The following USP44 variants were observed in gnomAD, a reference collection of about 807,000 sequenced individuals.
USP44 encodes the protein ubiquitin carboxyl-terminal hydrolase 44.
A neutral mutation model predicts 69.0 loss-of-function variants in USP44; 61 were observed. The observed-to-expected ratio is 0.88, with a 90% CI of 0.72 to 1.09. The LOEUF is 1.09. Ranked by LOEUF, USP44 falls within the 50% of genes least tolerant of loss-of-function variation. USP44 has a pLI of 0.00. For synonymous variants in USP44, 297 were observed against 295.4 expected (o/e 1.01, Z -0.06); for missense variants, 753 against 849.9 (o/e 0.89, Z 1.42).
At chr12:95,526,788 C>T (rs566450775) in intron 3 of USP44, among the ~76,000 whole-genome samples, 4 of 152,030 alleles carry the variant, frequency 2.6e-5, no homozygotes, top group Admixed American at 6.6e-5. Context: ...GGGAGAATAC[C>T]TGAAAAAATA....
intron 1 of USP44, among the ~76,000 whole-genome samples, chr12:95,536,643 T>C (rs2077214596): frequency 6.6e-6 from 1 of 152,186 alleles, no homozygotes; most frequent in Non-Finnish European, 1.5e-5. Flanking sequence ...GTGCCTCTAC[T>C]GCCACCAGCC....
In USP44 at chr12:95,533,216, G is replaced by A; in HGVS notation, c.1041C>T (p.Ser347=). 1.2e-6 allele frequency: 2 copies of A among 1,614,024 alleles called. No homozygotes were observed. Among genetic ancestry groups the A allele is most frequent in the Non-Finnish European group, 1.7e-6 (2 of 1,179,972 alleles). The stretch of plus-strand genomic sequence containing the variant: ...GTCCTGATGACAGACTTGATTGTCT[G>A]GAGCAAACAAAACCTGTATCTTTTT... ...CQEKDTGFVC[S]RQSSLSSGLS... The change falls in exon 2 of 6, where the codon TCC becomes TCT. Residue 347 remains serine (S), a synonymous_variant. Transcript: ENST00000258499.
At chr12:95,528,344 T>C (rs2076917290) in intron 3 of USP44, among the ~76,000 whole-genome samples, 1 of 152,230 alleles carries the variant, frequency 6.6e-6, no homozygotes, top group Non-Finnish European at 1.5e-5. Flanking sequence ...TTTGAATAAA[T>C]CTTTGTTTTG....
Position 95,528,861 on chromosome 12 carries a change from AT to A in USP44, c.1569del (p.Lys523AsnfsTer8). On this transcript the variant is annotated frameshift_variant, in exon 3 of 6. Transcript: ENST00000258499. LOFTEE classifies it high-confidence loss of function. ...QPCLVTEMLAKFTETEALEGK... is the reference protein window; with the variant it reads ...QPCLVTEMLAXFTETEALEGK... ...CCTTCTAAAGCTTCAGTTTCTGTAAATTTGGCCAACATTTCAGTAACCAGAC... is the reference window on the plus strand; with the variant it reads ...CCTTCTAAAGCTTCAGTTTCTGTAAATTGGCCAACATTTCAGTAACCAGAC... The A allele has an allele frequency of 6.2e-7, 1 of 1,614,018 alleles. No individual in the cohort carries two copies. The highest frequency in any genetic ancestry group is 1.3e-5 in the African/African-American group (1 of 75,032).
At chr12:95,521,286 C>T in intron 4 of USP44, 84 bp from the exon 5 acceptor site, 2 of 1,229,610 alleles carry the variant, frequency 1.6e-6, no homozygotes, top group Non-Finnish European at 2.4e-6. Context: ...AACAGATGAC[C>T]CCAGGCAGCA....
chr12:95,543,981 A>AAAAAAAAAG (rs1565840776), intron 1 of USP44, among the ~76,000 whole-genome samples: 5 of 147,198 alleles, frequency 3.4e-5, no homozygotes, highest in African/African-American at 1.0e-4. Context: ...AAAAAAAAAA[A>AAAAAAAAAG]AAAAAAAAGA....
At chr12:95,521,957 G>GT in intron 4 of USP44, 1 of 770,936 alleles carries the variant, frequency 1.3e-6, no homozygotes, top group Non-Finnish European at 1.6e-6. Context: ...AACAGGAACT[G>GT]TGTCCCCTCG....
In USP44 at chr12:95,533,198, T is replaced by C. The variant is rs370702605; in HGVS notation, c.1059A>G (p.Ser353=). The part of the protein sequence containing the change: ...GFVCSRQSSL[S]SGLSGGASKG... ...TTGATGCTCCACCACTTAGTCCTGA[T>C]GACAGACTTGATTGTCTGGAGCAAA... The change falls in exon 2 of 6, where the codon TCA becomes TCG. Residue 353 remains serine, a synonymous_variant. Coordinates refer to ENST00000258499, the MANE Select transcript of USP44 (RefSeq NM_032147.5). 6.2e-7 allele frequency: 1 copy of C among 1,614,182 alleles called. No homozygotes were observed. The highest frequency in any genetic ancestry group is 1.7e-5 in the Admixed American group (1 of 60,028).
intron 1 of USP44, among the ~76,000 whole-genome samples, chr12:95,536,126 T>C (rs978558872): frequency 2.2e-5 from 3 of 136,940 alleles, no homozygotes; most frequent in Admixed American, 1.6e-4. Context: ...CACTGCAACC[T>C]CCACCTCCCA....
At chr12:95,536,558 T>A (rs1592721635) in intron 1 of USP44, among the ~76,000 whole-genome samples, 1 of 152,068 alleles carries the variant, frequency 6.6e-6, no homozygotes, top group Admixed American at 6.6e-5. Flanking sequence ...TCCTTGACTC[T>A]CTCTCTCTAA....
Position 95,517,773 on chromosome 12 carries a change from TAG to T in USP44, c.*379_*380del, listed in dbSNP as rs1234537091. ...AATGAAAGACTATTAGTGACCAAAGTAGAGTCTAATTTTCCATCTATTAAGAA... is the reference window on the plus strand; with the variant it reads ...AATGAAAGACTATTAGTGACCAAAGTAGTCTAATTTTCCATCTATTAAGAA... On this transcript the variant is annotated 3_prime_UTR_variant, in exon 6 of 6. Coordinates refer to ENST00000258499, the MANE Select transcript of USP44 (RefSeq NM_032147.5). 1 of 172,394 alleles carries T rather than the reference TAG, an allele frequency of 5.8e-6. No individual in the cohort carries two copies. The highest frequency in any genetic ancestry group is 1.3e-5 in the Non-Finnish European group (1 of 79,790). The allele number at this position is 172,394 out of a possible 1,614,324, so 10.7% of individuals were successfully genotyped here.
Position 95,528,962 on chromosome 12 carries a change from T to C in USP44, c.1469A>G (p.Glu490Gly), listed in dbSNP as rs748502437. The change falls in exon 3 of 6, where the codon GAA becomes GGA. Residue 490 changes from glutamate to glycine, a missense_variant. Coordinates refer to ENST00000258499, the MANE Select transcript of USP44 (RefSeq NM_032147.5). ...CTCCAATGACAAGTCCCAGAAAGGT[T>C]CTATGGTATTTGATTTGTTGTCACA... ...LACDNKSNTI[E>G]PFWDLSLEFP... 1.9e-6 allele frequency: 3 copies of C among 1,613,670 alleles called. No individual in the cohort carries two copies. The highest frequency in any genetic ancestry group is 2.2e-5 in the East Asian group (1 of 44,838).
At chr12:95,547,520 A>G (rs2077611589) in intron 1 of USP44, among the ~76,000 whole-genome samples, 1 of 152,232 alleles carries the variant, frequency 6.6e-6, no homozygotes, top group Non-Finnish European at 1.5e-5. Context: ...AGATTATGAA[A>G]TATTCTCTAA....
chr12:95,543,939 C>T (rs1207936831), intron 1 of USP44, among the ~76,000 whole-genome samples: 1 of 116,320 alleles, frequency 8.6e-6, no homozygotes, highest in East Asian at 2.5e-4. Context: ...TGCACTCCAG[C>T]CAGGGAGACA....
At chr12:95,521,263 T>A (rs745969200) in intron 4 of USP44, 61 bp from the exon 5 acceptor site, 3 of 1,491,452 alleles carry the variant, frequency 2.0e-6, no homozygotes, top group Non-Finnish European at 2.8e-6. Flanking sequence ...ACGTACTAGG[T>A]CTAGACACTT....
In USP44 at chr12:95,524,762, G is replaced by T. The variant is rs768972080; in HGVS notation, c.1651C>A (p.Pro551Thr). The T allele has an allele frequency of 1.1e-5, 17 of 1,611,148 alleles. No homozygotes were observed. Among genetic ancestry groups the T allele is most frequent in the Admixed American group, 8.4e-5 (5 of 59,242 alleles). ...NSKRRRFSSK[P>T]VVLTEAQKQL... ...TTCTGGGCTTCTGTGAGTACAACTG[G>T]TTTGGAGGAAAACCTTCTACGCTTT... is the stretch of plus-strand genomic sequence containing the variant. Residue 551 changes from proline to threonine, a missense_variant, in exon 4 of 6, where the codon CCA becomes ACA. Coordinates refer to ENST00000258499, the MANE Select transcript of USP44 (RefSeq NM_032147.5).
At position 95,533,289 on chromosome 12, in the gene USP44, T is replaced by C. The variant is rs1452981854; in HGVS notation, c.968A>G (p.His323Arg). The C allele has an allele frequency of 6.2e-7, 1 of 1,614,162 alleles. No individual in the cohort carries two copies. Among genetic ancestry groups the C allele is most frequent in the Admixed American group, 1.7e-5 (1 of 60,028 alleles). The change falls in exon 2 of 6, where the codon CAT (histidine) becomes CGT (arginine). Residue 323 changes from histidine to arginine, a missense_variant. Transcript: ENST00000258499. Reference sequence around the variant, plus strand: ...TACTACTGTATCTGTGACTGGTGGATGCTTACAAGATCTTGTCTTCTCGCT... The same window carrying C: ...TACTACTGTATCTGTGACTGGTGGACGCTTACAAGATCTTGTCTTCTCGCT... Reference protein sequence around the residue: ...TASEKTRSCKHPPVTDTVVYQ... With the variant: ...TASEKTRSCKRPPVTDTVVYQ...
chr12:95,546,928 A>G (rs2077589819), intron 1 of USP44: 1 of 152,248 alleles, frequency 6.6e-6, no homozygotes, highest in East Asian at 1.9e-4. Context: ...TCAAGTGTGT[A>G]GAGGAGAAGT....
intron 1 of USP44, among the ~76,000 whole-genome samples, chr12:95,549,300 G>A (rs2077678815): frequency 6.6e-6 from 1 of 152,216 alleles, no homozygotes; most frequent in South Asian, 2.1e-4. Context: ...CAGTGGCGAT[G>A]ACGGCTGTGA....
Sources: gnomAD v4.1 joint callset for allele counts (sites outside exome capture counted in the v4.1 genomes callset) on GRCh38, gnomAD v4.1.1 for gene constraint, MANE v1.5 for transcripts, NCBI Gene and HGNC (gene_info 2026-07-23, HGNC 2026-07-21) for gene names.